MSRB3: variants seen among roughly 807,000 people sequenced by gnomAD.
The protein encoded by MSRB3 is methionine-R-sulfoxide reductase B3.
In MSRB3, 13 loss-of-function variants were observed where a neutral mutation model predicts 21.0. The observed-to-expected ratio is 0.62, with a 90% CI of 0.40 to 0.98. The LOEUF is 0.98. Ranked by LOEUF, MSRB3 falls within the 50% of genes least tolerant of loss-of-function variation. The pLI, the probability that MSRB3 is intolerant of heterozygous loss-of-function variation, is 0.00. For synonymous variants in MSRB3, 87 were observed against 88.6 expected, an observed-to-expected ratio of 0.98 and a Z score of 0.10; for missense variants, 199 against 230.3, an observed-to-expected ratio of 0.86 and a Z score of 0.88.
At chr12:65,354,316 A>G (rs889711533) in intron 4 of MSRB3, among the ~76,000 whole-genome samples, 1 of 151,992 alleles carries the variant, frequency 6.6e-6, no homozygotes, top group African/African-American at 2.4e-5. Context: ...TATCCTGCAG[A>G]GTGTTTTCCA....
At chr12:65,293,171 G>A (rs1277770772) in intron 1 of MSRB3, among the ~76,000 whole-genome samples, 2 of 152,186 alleles carry the variant, frequency 1.3e-5, no homozygotes, top group South Asian at 2.1e-4. Context: ...CAGAATTGAA[G>A]TCCTCTTAAA....
At chr12:65,380,801 G>A (rs1483527377) in intron 5 of MSRB3, among the ~76,000 whole-genome samples, 1 of 152,152 alleles carries the variant, frequency 6.6e-6, no homozygotes, top group Non-Finnish European at 1.5e-5. Flanking sequence ...AGGTCACATA[G>A]CTAGTAAGTG....
intron 5 of MSRB3, among the ~76,000 whole-genome samples, chr12:65,407,415 C>T (rs1046107156): frequency 1.3e-5 from 2 of 151,832 alleles, no homozygotes; most frequent in East Asian, 1.9e-4. Context: ...AGAAGTCTGA[C>T]GCAATTCTTA....
chr12:65,354,077 GT>G (rs1290485151), intron 4 of MSRB3, among the ~76,000 whole-genome samples: 4 of 152,024 alleles, frequency 2.6e-5, no homozygotes, highest in African/African-American at 9.7e-5. Context: ...GGCTTGTAGA[GT>G]TTCTGCCGAG....
At chr12:65,288,749 T>C (rs1421761893) in intron 1 of MSRB3, among the ~76,000 whole-genome samples, 1 of 152,184 alleles carries the variant, frequency 6.6e-6, no homozygotes, top group Non-Finnish European at 1.5e-5. Context: ...ACCATTGGAA[T>C]TTGCCTCTGA....
At chr12:65,405,966 A>T (rs946646848) in intron 5 of MSRB3, among the ~76,000 whole-genome samples, 3 of 151,642 alleles carry the variant, frequency 2.0e-5, no homozygotes, top group Non-Finnish European at 4.4e-5. Context: ...TATATTTTTG[A>T]TATTAACTTC....
chr12:65,419,610 C>A, intron 5 of MSRB3: 1 of 715,716 alleles, frequency 1.4e-6, no homozygotes. Context: ...AGATATGAGC[C>A]CTCAGGTCCT....
chr12:65,358,267 A>C (rs530266763), intron 4 of MSRB3, among the ~76,000 whole-genome samples: 1 of 151,834 alleles, frequency 6.6e-6, no homozygotes, highest in African/African-American at 2.4e-5. Flanking sequence ...ACAAGTGTGC[A>C]GCACCATGCC....
rs571487654 is a variant in MSRB3, at chr12:65,298,885, T to C, written c.-51-9644T>C. ...CACTAAAAATAGTCTTTTAGTGATA[T>C]AGATACTGTAGTTTATAGTCCCAGG... On this transcript the variant is annotated intron_variant, in intron 1 of 6. Coordinates refer to ENST00000308259, the MANE Select transcript of MSRB3 (RefSeq NM_001031679.3). 3.9e-5 allele frequency among the ~76,000 whole-genome samples: 6 copies of C among 152,334 alleles called. No homozygotes were observed. The East Asian group carries it at 1.2e-3, about 29-fold the overall frequency.
At chr12:65,322,250 G>T (rs1165012993) in intron 2 of MSRB3, among the ~76,000 whole-genome samples, 1 of 152,124 alleles carries the variant, frequency 6.6e-6, no homozygotes, top group Admixed American at 6.6e-5. Flanking sequence ...CTTTTCTGAT[G>T]TACTGAGGTG....
At chr12:65,404,754 G>C (rs1483046358) in intron 5 of MSRB3, among the ~76,000 whole-genome samples, 9 of 152,072 alleles carry the variant, frequency 5.9e-5, no homozygotes, top group Non-Finnish European at 1.3e-4. Flanking sequence ...CCACTTCTTT[G>C]TGGTGAGAAC....
Position 65,308,653 on chromosome 12 carries a change from C to G in MSRB3, c.74C>G (p.Ser25Ter). 1 of 1,613,922 alleles carries G rather than the reference C, an allele frequency of 6.2e-7. No homozygotes were observed. Among genetic ancestry groups the G allele is most frequent in the Non-Finnish European group, 8.5e-7 (1 of 1,179,858 alleles). Residue 25 changes from serine to a stop codon, truncating the protein, a stop_gained and splice_region_variant, in exon 2 of 7, where the codon TCA becomes TGA. Coordinates refer to ENST00000308259, the MANE Select transcript of MSRB3 (RefSeq NM_001031679.3). LOFTEE classifies it high-confidence loss of function. ...PVALRACGLPSGSCRDKKNCK... is the reference protein window; with the variant it reads ...PVALRACGLP Reference sequence around the variant, plus strand: ...GCCCTTCGAGCCTGTGGGCTTCCCTCAGGTTGCTGCTTGTTGTACTGTACA... The same window carrying G: ...GCCCTTCGAGCCTGTGGGCTTCCCTGAGGTTGCTGCTTGTTGTACTGTACA...
intron 5 of MSRB3, among the ~76,000 whole-genome samples, chr12:65,435,538 T>G (rs1212560702): frequency 6.6e-6 from 1 of 151,962 alleles, no homozygotes; most frequent in African/African-American, 2.4e-5. Context: ...CAATATTGAT[T>G]TTGAACAAAG....
chr12:65,445,855 G>A (rs1285609392), intron 5 of MSRB3, among the ~76,000 whole-genome samples: 1 of 151,880 alleles, frequency 6.6e-6, no homozygotes, highest in Non-Finnish European at 1.5e-5. Context: ...ATGTTGCCCA[G>A]GCTGGTCTCG....
chr12:65,455,695 A>C (rs920743148), intron 6 of MSRB3, among the ~76,000 whole-genome samples: 14 of 152,004 alleles, frequency 9.2e-5, no homozygotes, highest in African/African-American at 3.4e-4. Context: ...AAATTTAAAA[A>C]TCTCATGATT....
In MSRB3 at chr12:65,359,446, A is replaced by G. The variant is rs570708478; in HGVS notation, c.264-9552A>G. Among the ~76,000 whole-genome samples, 6 of 152,256 alleles carry G rather than the reference A, an allele frequency of 3.9e-5. No individual in the cohort carries two copies. The South Asian group carries it at 8.3e-4, about 21-fold the overall frequency. ...TTCCAGGGAATATAAGAAAATAAAT[A>G]TTATGTATAAAACTGGTAGAGTAAA... is the stretch of plus-strand genomic sequence containing the variant. On this transcript the variant is annotated intron_variant, in intron 4 of 6. Coordinates refer to ENST00000308259, the MANE Select transcript of MSRB3 (RefSeq NM_001031679.3).
chr12:65,316,564 A>G (rs1188195836), intron 2 of MSRB3, among the ~76,000 whole-genome samples: 1 of 152,154 alleles, frequency 6.6e-6, no homozygotes, highest in Non-Finnish European at 1.5e-5. Flanking sequence ...TTCAATAAAT[A>G]TTTGTTGGAT....
In MSRB3 at chr12:65,324,797, C is replaced by A. The variant is rs568135926; in HGVS notation, c.77-2029C>A. On this transcript the variant is annotated intron_variant, in intron 2 of 6. Transcript: ENST00000308259. ...AATGTTAGGAAATTGCAATCCAATACCATGTAATTTAAACCTGCAGTTGCT... is the reference window on the plus strand; with the variant it reads ...AATGTTAGGAAATTGCAATCCAATAACATGTAATTTAAACCTGCAGTTGCT... Among the ~76,000 whole-genome samples the A allele has an allele frequency of 3.9e-5, 6 of 152,304 alleles. No individual in the cohort carries two copies. The East Asian group carries it at 1.2e-3, about 29-fold the overall frequency.
intron 4 of MSRB3, among the ~76,000 whole-genome samples, chr12:65,364,833 T>G (rs1025312381): frequency 6.6e-6 from 1 of 152,202 alleles, no homozygotes; most frequent in African/African-American, 2.4e-5. Flanking sequence ...CAGTTTTCCC[T>G]ATCCCCAAAT....
Sources: gnomAD v4.1 joint callset for allele counts (sites outside exome capture counted in the v4.1 genomes callset) on GRCh38, gnomAD v4.1.1 for gene constraint, MANE v1.5 for transcripts, NCBI Gene and HGNC (gene_info 2026-07-23, HGNC 2026-07-21) for gene names.